The following PLPP1 variants were observed in gnomAD, a reference collection of about 807,000 sequenced individuals.
The protein encoded by PLPP1 is lipid phosphate phosphohydrolase 1a.
In PLPP1, 24 loss-of-function variants were observed where a neutral mutation model predicts 31.2. That is an observed-to-expected ratio of 0.77 (90% CI 0.56 to 1.08). PLPP1 has a LOEUF of 1.08. Ranked by LOEUF, PLPP1 falls within the 50% of genes least tolerant of loss-of-function variation. PLPP1 has a pLI of 0.00. For missense variants in PLPP1, 319 were observed against 342.7 expected (o/e 0.93, Z 0.55); for synonymous variants, 146 against 126.3 (o/e 1.16, Z -1.05).
chr5:55,466,852 T>C (rs1388263397), intron 3 of PLPP1, among the ~76,000 whole-genome samples: 3 of 152,188 alleles, frequency 2.0e-5, no homozygotes, highest in Admixed American at 2.0e-4. Flanking sequence ...CAAGAAAGTA[T>C]TTGTACTTTG....
chr5:55,489,370 T>C (rs1461859811), intron 1 of PLPP1, among the ~76,000 whole-genome samples: 1 of 152,170 alleles, frequency 6.6e-6, no homozygotes, highest in Non-Finnish European at 1.5e-5. Context: ...ACACCGTCTA[T>C]TGTCATCCAA....
chr5:55,462,790 G>A (rs923422710), intron 3 of PLPP1, among the ~76,000 whole-genome samples: 5 of 151,920 alleles, frequency 3.3e-5, no homozygotes, highest in Admixed American at 6.6e-5. Context: ...TGGCTAAGAC[G>A]GTGAAACCCC....
At position 55,442,424 on chromosome 5, in the gene PLPP1, C is replaced by T. The variant is rs146350675; in HGVS notation, c.492-516G>A. 3.2e-4 allele frequency among the ~76,000 whole-genome samples: 49 copies of T among 152,166 alleles called. 1 individual carries two copies. In the East Asian group the frequency reaches 8.7e-3, roughly 27 times the overall value. On this transcript the variant is annotated intron_variant, in intron 3 of 5. Transcript: ENST00000307259. Reference sequence around the variant, plus strand: ...ATCCCAGCACTTCAGGAGGCCAAGGCGGGCGGATCACGAGGTCAGGAGATC... The same window carrying T: ...ATCCCAGCACTTCAGGAGGCCAAGGTGGGCGGATCACGAGGTCAGGAGATC...
chr5:55,428,298 T>C (rs1272697960), intron 4 of PLPP1, among the ~76,000 whole-genome samples: 1 of 152,220 alleles, frequency 6.6e-6, no homozygotes, highest in Non-Finnish European at 1.5e-5. Context: ...CAAACAGGCA[T>C]GGCCTGAGTG....
chr5:55,456,315 C>T (rs184456027), intron 3 of PLPP1, among the ~76,000 whole-genome samples: 7 of 151,970 alleles, frequency 4.6e-5, no homozygotes, highest in Middle Eastern at 3.4e-3. Flanking sequence ...GAGAGAATGG[C>T]GGGGAGAAAA....
chr5:55,516,082 T>G (rs888853367), intron 1 of PLPP1, among the ~76,000 whole-genome samples: 6 of 152,178 alleles, frequency 3.9e-5, no homozygotes, highest in African/African-American at 1.4e-4. Flanking sequence ...ATCTGTTCAA[T>G]TATACAAGCC....
chr5:55,517,885 C>G (rs999955149), intron 1 of PLPP1, among the ~76,000 whole-genome samples: 1 of 152,054 alleles, frequency 6.6e-6, no homozygotes, highest in Non-Finnish European at 1.5e-5. Context: ...TTCACTCTAG[C>G]TGCCCAGGCT....
intron 1 of PLPP1, among the ~76,000 whole-genome samples, chr5:55,502,178 A>G (rs1753160478): frequency 6.6e-6 from 1 of 152,196 alleles, no homozygotes. Flanking sequence ...GCTAGCCAAT[A>G]AAATTTTCTG....
intron 4 of PLPP1, among the ~76,000 whole-genome samples, chr5:55,436,667 A>C (rs1208073901): frequency 2.0e-5 from 3 of 152,230 alleles, no homozygotes; most frequent in African/African-American, 7.2e-5. Flanking sequence ...TGGTCAAAAC[A>C]AACGGAAGAC....
chr5:55,439,664 A>C (rs1166073405), intron 4 of PLPP1, among the ~76,000 whole-genome samples: 1 of 152,166 alleles, frequency 6.6e-6, no homozygotes, highest in Non-Finnish European at 1.5e-5. Flanking sequence ...GCCCTCTATT[A>C]TATCAATGTC....
Position 55,475,338 on chromosome 5 carries a change from C to G in PLPP1, c.171G>C (p.Ala57=). 9 of 1,611,824 alleles carry G rather than the reference C, an allele frequency of 5.6e-6. No homozygotes were observed. In the South Asian group the frequency reaches 9.9e-5, roughly 18 times the overall value. Residue 57 remains alanine, a synonymous_variant, in exon 2 of 6, where the codon GCG becomes GCC. Coordinates refer to ENST00000307259, the MANE Select transcript of PLPP1 (RefSeq NM_003711.4). ...ATGGAATGATTATTCCACCTAATAA[C>G]GCATAAGGTATGGTGTCTTCTTTGT... ...YPYKEDTIPY[A]LLGGIIIPFS...
At chr5:55,442,774 C>T (rs552459457) in intron 3 of PLPP1, among the ~76,000 whole-genome samples, 3 of 152,138 alleles carry the variant, frequency 2.0e-5, no homozygotes, top group Admixed American at 6.5e-5. Flanking sequence ...ATCTTCCCCA[C>T]CTAAAAATGA....
intron 1 of PLPP1, among the ~76,000 whole-genome samples, chr5:55,517,871 T>C (rs905568086): frequency 5.3e-5 from 8 of 152,218 alleles, no homozygotes; most frequent in South Asian, 2.1e-4. Flanking sequence ...TGTTGAGACA[T>C]TGTTTCACTC....
intron 1 of PLPP1, among the ~76,000 whole-genome samples, chr5:55,526,173 A>C (rs1740427380): frequency 6.6e-6 from 1 of 152,238 alleles, no homozygotes; most frequent in African/African-American, 2.4e-5. Flanking sequence ...AACACATTGG[A>C]AAGTTTGGTA....
chr5:55,504,578 A>C (rs1317476230), intron 1 of PLPP1, among the ~76,000 whole-genome samples: 1 of 151,442 alleles, frequency 6.6e-6, no homozygotes, highest in Non-Finnish European at 1.5e-5. Context: ...CCCTTTCCCC[A>C]AAAACAAAAT....
At chr5:55,432,352 C>T (rs908158829) in intron 4 of PLPP1, among the ~76,000 whole-genome samples, 12 of 152,064 alleles carry the variant, frequency 7.9e-5, no homozygotes, top group African/African-American at 2.9e-4. Flanking sequence ...AAATAGAAAA[C>T]CTGAACAGAC....
At chr5:55,442,990 A>T (rs1353379534) in intron 3 of PLPP1, among the ~76,000 whole-genome samples, 1 of 151,600 alleles carries the variant, frequency 6.6e-6, no homozygotes, top group Non-Finnish European at 1.5e-5. Flanking sequence ...ACGTAAGAAT[A>T]AGAACAAAAA....
chr5:55,454,184 G>A (rs6865221), intron 3 of PLPP1, among the ~76,000 whole-genome samples: 1,816 of 152,030 alleles, frequency 0.012, 39 homozygotes, highest in African/African-American at 0.042. Flanking sequence ...GCAAAACATT[G>A]CTTCTGAGTT....
chr5:55,534,247 C>T (rs907555357), intron 1 of PLPP1, among the ~76,000 whole-genome samples: 7 of 152,206 alleles, frequency 4.6e-5, no homozygotes, highest in East Asian at 3.9e-4. Context: ...GCTCCTCTAC[C>T]GTACAGAGGG....
Sources: gnomAD v4.1 joint callset for allele counts (sites outside exome capture counted in the v4.1 genomes callset) on GRCh38, gnomAD v4.1.1 for gene constraint, MANE v1.5 for transcripts, NCBI Gene and HGNC (gene_info 2026-07-23, HGNC 2026-07-21) for gene names.